MFRP: variants seen among roughly 807,000 people sequenced by gnomAD.
The protein encoded by MFRP is C1q and TNF related 5.
A neutral mutation model predicts 65.8 loss-of-function variants in MFRP; 74 were observed. The ratio of observed to expected loss-of-function variants is 1.12; its 90% confidence interval spans 0.93 to 1.36. The LOEUF (loss-of-function observed/expected upper bound fraction) is 1.36. Among genes scored for constraint, MFRP ranks in the 40% most tolerant of loss-of-function variants. MFRP has a pLI of 0.00. For missense variants in MFRP, 838 were observed against 736.0 expected, an observed-to-expected ratio of 1.14 and a Z score of -1.60; for synonymous variants, 336 against 288.3, an observed-to-expected ratio of 1.17 and a Z score of -1.68.
In MFRP at chr11:119,340,181, T is replaced by C; in HGVS notation, c.*1110+3A>G. 6.6e-7 allele frequency: 1 copy of C among 1,514,386 alleles called. No homozygotes were observed. The highest frequency in any genetic ancestry group is 8.8e-7 in the Non-Finnish European group (1 of 1,134,162). The allele number at this position is 1,514,386 out of a possible 1,614,324, so 93.8% of individuals were successfully genotyped here. ...ACCGATAGCCGCGGCGGTGCCTTCT[T>C]ACCCGGCCTCCCGCCCTCGCCTTTC... On this transcript the variant is annotated splice_donor_region_variant and intron_variant, in intron 14 of 14. Coordinates refer to ENST00000619721, the MANE Select transcript of MFRP (RefSeq NM_031433.4).
chr11:119,344,017 C>A, intron 8 of MFRP, 53 bp from the exon 9 acceptor site: 1 of 1,605,876 alleles, frequency 6.2e-7, no homozygotes, highest in South Asian at 1.1e-5. Flanking sequence ...TGTCTCATCC[C>A]GGGCACCCAG....
Position 119,344,904 on chromosome 11 carries a change from C to A in MFRP, c.742G>T (p.Ala248Ser). Residue 248 changes from alanine to serine, a missense_variant, in exon 6 of 15, where the codon GCC (alanine) becomes TCC (serine). Ala to Ser is a moderately conservative substitution (Grantham distance 99). Coordinates refer to ENST00000619721, the MANE Select transcript of MFRP (RefSeq NM_031433.4). Reference protein sequence around the residue: ...DSSVEGFGFHAWYQAMAPGRG... With the variant: ...DSSVEGFGFHSWYQAMAPGRG... ...CCAGGGGCCATAGCCTGGTACCAGG[C>A]ATGGAAACCAAATCCTTCCACACTG... The A allele has an allele frequency of 6.2e-7, 1 of 1,612,620 alleles. No individual in the cohort carries two copies. Among genetic ancestry groups the A allele is most frequent in the Non-Finnish European group, 8.5e-7 (1 of 1,179,728 alleles).
rs1950550145 is a variant in MFRP at position 119,345,285 on chromosome 11, G to GT, written c.641+134dup. 9 of 920,232 alleles carry GT rather than the reference G, an allele frequency of 9.8e-6. No homozygotes were observed. The South Asian group carries it at 1.4e-4, about 15-fold the overall frequency. The allele number at this position is 920,232 out of a possible 1,614,324, so 57.0% of individuals were successfully genotyped here. ...CTTCCTCACGGCACACAGCAAGGTG[G>GT]TGGCAGAGCTGGGCCCAGAGGTCTA... On this transcript the variant is annotated intron_variant, in intron 5 of 14. Transcript: ENST00000619721.
At position 119,340,311 on chromosome 11, in the gene MFRP, C is replaced by T. The variant is rs1256963140; in HGVS notation, c.*983G>A. 2 of 1,539,012 alleles carry T rather than the reference C, an allele frequency of 1.3e-6. No homozygotes were observed. The highest frequency in any genetic ancestry group is 1.4e-5 in the African/African-American group (1 of 71,370). On this transcript the variant is annotated 3_prime_UTR_variant, in exon 14 of 15. Coordinates refer to ENST00000619721, the MANE Select transcript of MFRP (RefSeq NM_031433.4). The stretch of plus-strand genomic sequence containing the variant: ...GCGTGCCTGGAAGGCCGGGGTGCCC[C>T]GGGCAGAGGCTGGGGATCTTGTTGT...
chr11:119,343,697 G>A lies in MFRP; in HGVS notation c.1124+119C>T, dbSNP rs925051206. The A allele has an allele frequency of 8.5e-6, 11 of 1,290,642 alleles. No individual in the cohort carries two copies. The African/African-American group carries it at 1.0e-4, about 12-fold the overall frequency. The allele number at this position is 1,290,642 out of a possible 1,614,324, so 79.9% of individuals were successfully genotyped here. A position where few individuals can be genotyped will look rare whatever the true frequency, so the allele number is the denominator to read the frequency against. On this transcript the variant is annotated intron_variant, in intron 9 of 14. Transcript: ENST00000619721. ...TTAGGGTGATGGTGAAGAGACCCCCGGCCTGGAGTAGCAGAAGAAAATGAA... is the reference window on the plus strand; with the variant it reads ...TTAGGGTGATGGTGAAGAGACCCCCAGCCTGGAGTAGCAGAAGAAAATGAA...
chr11:119,346,661 T>C lies in MFRP; in HGVS notation c.-148A>G, dbSNP rs985177455. The C allele has an allele frequency of 3.8e-6, 3 of 786,840 alleles. No homozygotes were observed. Among genetic ancestry groups the C allele is most frequent in the African/African-American group, 1.7e-5 (1 of 58,728 alleles). The allele number at this position is 786,840 out of a possible 1,614,324, so 48.7% of individuals were successfully genotyped here. A position where few individuals can be genotyped will look rare whatever the true frequency, so the allele number is the denominator to read the frequency against. On this transcript the variant is annotated 5_prime_UTR_variant, in exon 1 of 15. Transcript: ENST00000619721. ...CCAGGCTAGACCAGTTCTTGGGCTG[T>C]CCTTGGTAGAGTGGTTTGGCCTATG...
chr11:119,345,805 T>C lies in MFRP; in HGVS notation c.395A>G (p.Gln132Arg), dbSNP rs773720532. The C allele has an allele frequency of 6.2e-7, 1 of 1,613,876 alleles. No homozygotes were observed. The highest frequency in any genetic ancestry group is 1.1e-5 in the South Asian group (1 of 91,074). Residue 132 changes from glutamine (Q) to arginine (R), a missense_variant, in exon 4 of 15, where the codon CAG becomes CGG. By Grantham distance (43) the Gln-to-Arg change is conservative (BLOSUM62 1). Coordinates refer to ENST00000619721, the MANE Select transcript of MFRP (RefSeq NM_031433.4). The stretch of plus-strand genomic sequence containing the variant: ...TGGGGAGGGGCTCACGCCTGACTCC[T>C]GCTGCCCTTTAGGGGTCCCAGCTGC... ...SQAAGTPKGQ[Q>R]ESGVSPSPQS... is the part of the protein sequence containing the mutation.
In MFRP at chr11:119,339,111, T is replaced by C; in HGVS notation, c.*1848A>G. ...CACTTGCCAGCACAGCACACTCCTC[T>C]GGTCTTGGGCAGAAATCCAGCCACT... On this transcript the variant is annotated 3_prime_UTR_variant, in exon 15 of 15. Coordinates refer to ENST00000619721, the MANE Select transcript of MFRP (RefSeq NM_031433.4). This position sits in a 1 kb window ranked among gnomAD's most constrained non-coding sequence, Gnocchi z 5.4. The C allele has an allele frequency of 3.4e-6, 2 of 593,434 alleles. No individual in the cohort carries two copies. Among genetic ancestry groups the C allele is most frequent in the Non-Finnish European group, 5.9e-6 (2 of 339,590 alleles). The allele number at this position is 593,434 out of a possible 1,614,324, so 36.8% of individuals were successfully genotyped here.
intron 8 of MFRP, 91 bp from the exon 9 acceptor site, chr11:119,344,055 G>A: frequency 6.6e-7 from 1 of 1,515,352 alleles, no homozygotes; most frequent in South Asian, 1.1e-5. Flanking sequence ...ACTGCTGGCT[G>A]GGGGGATGGG....
In MFRP at chr11:119,342,898, G is replaced by T. The variant is rs371946990; in HGVS notation, c.1230C>A (p.Thr410=). The change falls in exon 10 of 15, where the codon ACC becomes ACA. Residue 410 remains threonine, a synonymous_variant. Coordinates refer to ENST00000619721, the MANE Select transcript of MFRP (RefSeq NM_031433.4). The part of the protein sequence containing the change: ...HGISSGGFSA[T]YLAFNATENP... ...TCTCCGTGGCATTGAAGGCCAGGTAGGTGGCTGAGAAGCCTCCACTGCTGA... is the reference window on the plus strand; with the variant it reads ...TCTCCGTGGCATTGAAGGCCAGGTATGTGGCTGAGAAGCCTCCACTGCTGA... 6.2e-7 allele frequency: 1 copy of T among 1,613,056 alleles called. No homozygotes were observed. The highest frequency in any genetic ancestry group is 8.5e-7 in the Non-Finnish European group (1 of 1,179,920).
chr11:119,343,246 C>T (rs1241927127), intron 9 of MFRP, among the ~76,000 whole-genome samples: 1 of 152,266 alleles, frequency 6.6e-6, no homozygotes, highest in Non-Finnish European at 1.5e-5. Flanking sequence ...CATTGTGGCT[C>T]ACACCTGTAA....
At chr11:119,346,438 C>T (rs1204178831) in intron 1 of MFRP, 22 bp downstream of exon 1, 3 of 1,613,964 alleles carry the variant, frequency 1.9e-6, no homozygotes, top group Non-Finnish European at 2.5e-6. Flanking sequence ...GTCTTAGGAG[C>T]ACGATTCTAT....
rs552825171 is a variant in MFRP at position 119,340,416 on chromosome 11, C to T, written c.*878G>A. On this transcript the variant is annotated 3_prime_UTR_variant, in exon 14 of 15. Transcript: ENST00000619721. ...GCCTCATAGCGCTGGCACCGGGAGC[C>T]CGGACGCCGGGGTCCTCTCGCAGTC... 15 of 1,541,570 alleles carry T rather than the reference C, an allele frequency of 9.7e-6. No individual in the cohort carries two copies. In the African/African-American group the frequency reaches 1.5e-4, roughly 16 times the overall value.
At chr11:119,340,475 A>G in intron 13 of MFRP, 35 bp from the exon 14 acceptor site, 1 of 1,437,024 alleles carries the variant, frequency 7.0e-7, no homozygotes, top group Non-Finnish European at 9.4e-7. Flanking sequence ...CGGGACCCAG[A>G]ATCCTGGGAC....
At chr11:119,345,331 G>T in intron 5 of MFRP, 89 bp downstream of exon 5, 1 of 1,359,784 alleles carries the variant, frequency 7.4e-7, no homozygotes, top group Non-Finnish European at 1.0e-6. Flanking sequence ...TTCTTCCTCG[G>T]TTAGCCCTTC....
rs779008190 is a variant in MFRP, at chr11:119,345,490, T to C, written c.571A>G (p.Ile191Val). 7 of 1,614,118 alleles carry C rather than the reference T, an allele frequency of 4.3e-6. No homozygotes were observed. Among genetic ancestry groups the C allele is most frequent in the Non-Finnish European group, 5.9e-6 (7 of 1,180,030 alleles). The change falls in exon 5 of 15, where the codon ATA becomes GTA. Residue 191 changes from isoleucine (I) to valine (V), a missense_variant. Ile to Val is a conservative substitution (Grantham distance 29). Coordinates refer to ENST00000619721, the MANE Select transcript of MFRP (RefSeq NM_031433.4). ...AIQLKIEALS[I>V]ESVASCLFDR... ...AAAAGGCAAGAGGCCACACTCTCTA[T>C]GCTGAGGGCTTCGATCTTGAGCTGT... is the stretch of plus-strand genomic sequence containing the variant.
At position 119,339,901 on chromosome 11, in the gene MFRP, C is replaced by G; in HGVS notation, c.*1111-53G>C. 1 of 1,430,262 alleles carries G rather than the reference C, an allele frequency of 7.0e-7. No individual in the cohort carries two copies. The highest frequency in any genetic ancestry group is 9.1e-7 in the Non-Finnish European group (1 of 1,099,486). 88.6% of individuals were successfully genotyped at this position (1,430,262 alleles called of 1,614,324 possible). On this transcript the variant is annotated intron_variant, in intron 14 of 14. Coordinates refer to ENST00000619721, the MANE Select transcript of MFRP (RefSeq NM_031433.4). This position sits in a 1 kb window ranked among gnomAD's most constrained non-coding sequence, Gnocchi z 5.4. ...AGAGTAGCGGCGGCTCAGCCCGCAG[C>G]GGGGCGGCGACTCTAAGGTCACCGT...
Position 119,343,976 on chromosome 11 carries a change from C to T in MFRP, c.976-12G>A, listed in dbSNP as rs1208300619. On this transcript the variant is annotated splice_polypyrimidine_tract_variant and intron_variant, in intron 8 of 14. Coordinates refer to ENST00000619721, the MANE Select transcript of MFRP (RefSeq NM_031433.4). ...TGCCAGGTGCAGAGCTGGGGGAGGG[C>T]ATAGGTGGAGCAATTCATGGCCCCT... The T allele has an allele frequency of 3.7e-6, 6 of 1,611,152 alleles. No homozygotes were observed. Among genetic ancestry groups the T allele is most frequent in the Non-Finnish European group, 4.2e-6 (5 of 1,179,868 alleles).
rs778840084 is a variant in MFRP, at chr11:119,345,763, C to A, written c.427+10G>T. On this transcript the variant is annotated intron_variant, in intron 4 of 14. Coordinates refer to ENST00000619721, the MANE Select transcript of MFRP (RefSeq NM_031433.4). Reference sequence around the variant, plus strand: ...GCCCTTCTCCCGGAAGATCTGCCCCCAGTACTCACTGGACTGTGGGGAGGG... The same window carrying A: ...GCCCTTCTCCCGGAAGATCTGCCCCAAGTACTCACTGGACTGTGGGGAGGG... The A allele has an allele frequency of 6.8e-6, 11 of 1,613,552 alleles. No homozygotes were observed. Among genetic ancestry groups the A allele is most frequent in the Non-Finnish European group, 9.3e-6 (11 of 1,180,016 alleles).
Sources: gnomAD v4.1 joint callset for allele counts (sites outside exome capture counted in the v4.1 genomes callset) on GRCh38, gnomAD v4.1.1 for gene constraint, Gnocchi (gnomAD v3.1) non-coding constraint, MANE v1.5 for transcripts, NCBI Gene and HGNC (gene_info 2026-07-23, HGNC 2026-07-21) for gene names.